The following KCNH8 variants were observed in gnomAD, a reference collection of about 807,000 sequenced individuals.
KCNH8 encodes voltage-gated delayed rectifier potassium channel KCNH8.
KCNH8 carries 70 observed loss-of-function variants against 103.6 expected under a neutral mutation model. The ratio of observed to expected loss-of-function variants is 0.68; its 90% CI spans 0.56 to 0.82. KCNH8 has a LOEUF of 0.82. Ranked by LOEUF, KCNH8 falls within the 40% of genes least tolerant of loss-of-function variation. KCNH8 has a pLI of 0.00. For missense variants in KCNH8, 1,217 were observed against 1,329.9 expected, an observed-to-expected ratio of 0.92 and a Z score of 1.32; for synonymous variants, 498 against 489.4, an observed-to-expected ratio of 1.02 and a Z score of -0.23.
chr3:19,518,394 T>C (rs2068912120), intron 15 of KCNH8, among the ~76,000 whole-genome samples: 1 of 152,054 alleles, frequency 6.6e-6, no homozygotes, highest in African/African-American at 2.4e-5. Flanking sequence ...GTTTAATTGG[T>C]ACATTTTAAA....
chr3:19,398,392 T>C (rs755999909), intron 7 of KCNH8, among the ~76,000 whole-genome samples: 1 of 151,920 alleles, frequency 6.6e-6, no homozygotes, highest in East Asian at 1.9e-4. Context: ...GCCTTGTCTG[T>C]ATAGATGCTG....
intron 8 of KCNH8, among the ~76,000 whole-genome samples, chr3:19,439,570 C>T (rs1373746114): frequency 6.6e-6 from 1 of 152,068 alleles, no homozygotes; most frequent in African/African-American, 2.4e-5. Flanking sequence ...GTAAGAGCAC[C>T]AAGTGAGCAA....
At chr3:19,361,932 T>C (rs528596596) in intron 5 of KCNH8, among the ~76,000 whole-genome samples, 4 of 152,262 alleles carry the variant, frequency 2.6e-5, no homozygotes, top group East Asian at 1.9e-4. Flanking sequence ...AAGTAAGAAG[T>C]TGATACAAGA....
intron 1 of KCNH8, among the ~76,000 whole-genome samples, chr3:19,214,663 A>G (rs1050877218): frequency 6.6e-6 from 1 of 152,184 alleles, no homozygotes; most frequent in African/African-American, 2.4e-5. Context: ...GTCTTTCCTG[A>G]GAGTATTCCC....
intron 8 of KCNH8, among the ~76,000 whole-genome samples, chr3:19,446,892 T>G (rs147460973): frequency 1.1e-4 from 17 of 152,144 alleles, no homozygotes; most frequent in African/African-American, 4.1e-4. Flanking sequence ...AAGCACTTCT[T>G]TCATTTGAGA....
intron 1 of KCNH8, among the ~76,000 whole-genome samples, chr3:19,234,612 C>T (rs944056256): frequency 5.9e-5 from 9 of 151,736 alleles, no homozygotes; most frequent in Non-Finnish European, 1.0e-4. Flanking sequence ...GGTTCCCGCC[C>T]GCGCTTCTCC....
At chr3:19,275,227 T>C (rs568989560) in intron 2 of KCNH8, among the ~76,000 whole-genome samples, 5 of 152,138 alleles carry the variant, frequency 3.3e-5, no homozygotes, top group African/African-American at 1.2e-4. Flanking sequence ...TGCCAGTGTT[T>C]TTTCAACTCA....
At position 19,284,349 on chromosome 3, in the gene KCNH8, G is replaced by A. The variant is rs565431941; in HGVS notation, c.442+3020G>A. ...TTAATCATTTTTCTATGTTTTGGGG[G>A]AGTTTATTTAAATGAGGAAGAACCT... is the stretch of plus-strand genomic sequence containing the variant. On this transcript the variant is annotated intron_variant, in intron 3 of 15. Coordinates refer to ENST00000328405, the MANE Select transcript of KCNH8 (RefSeq NM_144633.3). 9.5e-4 allele frequency among the ~76,000 whole-genome samples: 144 copies of A among 152,176 alleles called. 1 individual carries two copies. The highest frequency in any genetic ancestry group is 2.8e-3 in the African/African-American group (118 of 41,534).
intron 3 of KCNH8, among the ~76,000 whole-genome samples, chr3:19,283,413 C>G (rs1305443569): frequency 6.6e-6 from 1 of 152,046 alleles, no homozygotes. Flanking sequence ...ATCAACAAAA[C>G]ACTTTTAACA....
At chr3:19,235,457 A>T (rs1025459738) in intron 1 of KCNH8, among the ~76,000 whole-genome samples, 2 of 152,158 alleles carry the variant, frequency 1.3e-5, no homozygotes, top group African/African-American at 4.8e-5. Flanking sequence ...CTGGGGAAAG[A>T]TGAGAGGGAC....
At chr3:19,231,798 G>A (rs2063997684) in intron 1 of KCNH8, among the ~76,000 whole-genome samples, 1 of 152,208 alleles carries the variant, frequency 6.6e-6, no homozygotes. Flanking sequence ...CTGATTCTGT[G>A]AATGCTACTC....
chr3:19,532,695 C>G (rs145859424), intron 15 of KCNH8, among the ~76,000 whole-genome samples: 6 of 152,170 alleles, frequency 3.9e-5, no homozygotes, highest in Non-Finnish European at 8.8e-5. Context: ...CCAGGGGAAG[C>G]GAAATATATC....
intron 11 of KCNH8, among the ~76,000 whole-genome samples, chr3:19,468,553 G>T (rs2067790372): frequency 6.6e-6 from 1 of 152,156 alleles, no homozygotes; most frequent in Non-Finnish European, 1.5e-5. Flanking sequence ...ATTTTCAAAA[G>T]CAACATGAGG....
intron 2 of KCNH8, among the ~76,000 whole-genome samples, chr3:19,277,019 TA>T (rs1440246189): frequency 3.9e-5 from 6 of 152,124 alleles, no homozygotes; most frequent in African/African-American, 1.2e-4. Flanking sequence ...TATTTGGCCA[TA>T]AAAAATGAAG....
rs1225742823 is a variant in KCNH8 at position 19,281,178 on chromosome 3, T to C, written c.311-20T>C. ...ACAAGGCAATGGTTGATTTGTATTT[T>C]TTTTTCTTTACTGTTGCAGGGTCTC... is the stretch of plus-strand genomic sequence containing the variant. On this transcript the variant is annotated intron_variant, in intron 2 of 15. Transcript: ENST00000328405. 4 of 1,602,392 alleles carry C rather than the reference T, an allele frequency of 2.5e-6. No individual in the cohort carries two copies. The highest frequency in any genetic ancestry group is 1.7e-5 in the Admixed American group (1 of 57,906).
intron 11 of KCNH8, among the ~76,000 whole-genome samples, chr3:19,492,041 T>G (rs1216565870): frequency 1.3e-5 from 2 of 152,196 alleles, no homozygotes; most frequent in African/African-American, 4.8e-5. Context: ...GCTTGTAAAT[T>G]TGTTTAAGTT....
intron 3 of KCNH8, among the ~76,000 whole-genome samples, chr3:19,325,911 G>A (rs554691351): frequency 4.6e-5 from 7 of 152,038 alleles, no homozygotes; most frequent in South Asian, 4.1e-4. Flanking sequence ...AGCATTATTC[G>A]CAATAGCAAA....
chr3:19,385,314 A>G (rs1430539455), intron 5 of KCNH8, among the ~76,000 whole-genome samples: 2 of 152,178 alleles, frequency 1.3e-5, no homozygotes, highest in African/African-American at 2.4e-5. Context: ...CAAAAGATGT[A>G]CATTGGTCAT....
At chr3:19,460,187 A>G (rs1213602523) in intron 11 of KCNH8, among the ~76,000 whole-genome samples, 2 of 152,058 alleles carry the variant, frequency 1.3e-5, no homozygotes, top group Non-Finnish European at 2.9e-5. Flanking sequence ...GCATATTTCA[A>G]TTTTGCCCTC....
Sources: gnomAD v4.1 joint callset for allele counts (sites outside exome capture counted in the v4.1 genomes callset) on GRCh38, gnomAD v4.1.1 for gene constraint, MANE v1.5 for transcripts, NCBI Gene and HGNC (gene_info 2026-07-23, HGNC 2026-07-21) for gene names.